The following DNMBP variants were observed in gnomAD, a reference collection of about 807,000 sequenced individuals.
The protein encoded by DNMBP is dynamin-binding protein.
A neutral mutation model predicts 150.0 loss-of-function variants in DNMBP; 87 were observed. That is an observed-to-expected ratio of 0.58 (90% CI 0.49 to 0.69). The LOEUF (loss-of-function observed/expected upper bound fraction) is 0.69, where lower values mean the gene tolerates loss of function less well. Ranked by LOEUF, DNMBP falls within the 30% of genes least tolerant of loss-of-function variation. DNMBP has a pLI of 0.00. For synonymous variants in DNMBP, 711 were observed against 750.4 expected, an observed-to-expected ratio of 0.95 and a Z score of 0.86; for missense variants, 1,774 against 1,949.0, an observed-to-expected ratio of 0.91 and a Z score of 1.69.
chr10:99,979,325 A>G (rs1426659739), intron 1 of DNMBP, among the ~76,000 whole-genome samples: 1 of 152,194 alleles, frequency 6.6e-6, no homozygotes, highest in East Asian at 1.9e-4. Flanking sequence ...CCCGAGCACT[A>G]ATCTCAAAAG....
At chr10:99,892,657 GACCTT>G (rs1564720192) in intron 11 of DNMBP, among the ~76,000 whole-genome samples, 9 of 143,390 alleles carry the variant, frequency 6.3e-5, no homozygotes, top group Non-Finnish European at 1.1e-4. Flanking sequence ...GAAAACCAGA[GACCTT>G]TGTTCACTTG....
At chr10:99,970,271 C>G (rs2040660789) in intron 2 of DNMBP, among the ~76,000 whole-genome samples, 1 of 152,156 alleles carries the variant, frequency 6.6e-6, no homozygotes, top group Non-Finnish European at 1.5e-5. Context: ...GGACTCCAAC[C>G]CAGACTTACA....
chr10:100,009,021 A>G (rs538967705), intron 1 of DNMBP, among the ~76,000 whole-genome samples: 51 of 152,376 alleles, frequency 3.3e-4, no homozygotes, highest in Non-Finnish European at 3.7e-4. Flanking sequence ...ATGTTTGTGT[A>G]AAAGAATTAC....
chr10:99,887,627 TACTTAGTAGC>T (rs1190916689), intron 12 of DNMBP, among the ~76,000 whole-genome samples: 1 of 152,180 alleles, frequency 6.6e-6, no homozygotes, highest in Non-Finnish European at 1.5e-5. Flanking sequence ...TACTTAGTAG[TACTTAGTAGC>T]ATCTTATTAA....
At chr10:99,930,560 G>A in intron 4 of DNMBP, 1 of 702,884 alleles carries the variant, frequency 1.4e-6, no homozygotes, top group Non-Finnish European at 2.6e-6. Context: ...CAAAATCCCA[G>A]TATCCACAAT....
intron 1 of DNMBP, among the ~76,000 whole-genome samples, chr10:99,975,375 T>C (rs2040717639): frequency 6.6e-6 from 1 of 150,996 alleles, no homozygotes; most frequent in African/African-American, 2.4e-5. Context: ...AAAAAAAAAT[T>C]ATATCCAAGA....
chr10:99,925,050 C>T (rs74155735), intron 4 of DNMBP, among the ~76,000 whole-genome samples: 11,500 of 152,236 alleles, frequency 0.076, 728 homozygotes, highest in African/African-American at 0.17. Flanking sequence ...AGTCCATATC[C>T]TCTCTTGCAC....
At chr10:99,886,859 A>G (rs1767676393) in intron 12 of DNMBP, among the ~76,000 whole-genome samples, 1 of 152,158 alleles carries the variant, frequency 6.6e-6, no homozygotes, top group Non-Finnish European at 1.5e-5. Flanking sequence ...TCCCACATCA[A>G]GGAGTATGTA....
chr10:99,988,101 T>C (rs2040847936), intron 1 of DNMBP, among the ~76,000 whole-genome samples: 1 of 152,170 alleles, frequency 6.6e-6, no homozygotes, highest in African/African-American at 2.4e-5. Context: ...CATGAATAGT[T>C]GTTGAATTTT....
Position 99,918,574 on chromosome 10 carries a change from CTTT to C in DNMBP, c.2261-9431_2261-9429del, listed in dbSNP as rs71009786. Among the ~76,000 whole-genome samples the C allele has an allele frequency of 5.1e-5, 7 of 137,916 alleles. 1 individual carries two copies. The East Asian group carries it at 1.2e-3, about 24-fold the overall frequency. The allele number at this position is 137,916 out of a possible 152,430, so 90.5% of individuals were successfully genotyped here. A position where few individuals can be genotyped will look rare whatever the true frequency, so the allele number is the denominator to read the frequency against. ...CCCAAATTACAGGAGTCTGCAACTT[CTTT>C]TTTTTTTTTGAAAAGGAGTCTCACT... On this transcript the variant is annotated intron_variant, in intron 4 of 16. Transcript: ENST00000324109.
intron 1 of DNMBP, among the ~76,000 whole-genome samples, chr10:99,987,791 T>C (rs540151861): frequency 6.6e-6 from 1 of 151,902 alleles, no homozygotes; most frequent in Non-Finnish European, 1.5e-5. Flanking sequence ...TATTACAGAC[T>C]GCTATGAGAG....
intron 9 of DNMBP, among the ~76,000 whole-genome samples, chr10:99,896,894 T>C (rs1357613500): frequency 6.6e-6 from 1 of 152,080 alleles, no homozygotes; most frequent in Admixed American, 6.6e-5. Flanking sequence ...GAGATAAAAG[T>C]AGAAGGGTGG....
chr10:99,877,479 A>G (rs2039294891), intron 16 of DNMBP, 143 bp from the exon 17 acceptor site: 2 of 561,364 alleles, frequency 3.6e-6, no homozygotes, highest in Non-Finnish European at 6.2e-6. Flanking sequence ...AGACAGAGGA[A>G]CTGAATTTTT....
intron 16 of DNMBP, among the ~76,000 whole-genome samples, chr10:99,878,411 C>T (rs974502436): frequency 3.3e-5 from 5 of 152,142 alleles, no homozygotes; most frequent in Non-Finnish European, 7.3e-5. Flanking sequence ...ATTCCCTGCT[C>T]GAACTCAATC....
rs1332319845 is a variant in DNMBP, at chr10:99,956,532, T to C, written c.942A>G (p.Glu314=). 1.2e-6 allele frequency: 2 copies of C among 1,614,048 alleles called. No homozygotes were observed. The highest frequency in any genetic ancestry group is 1.7e-6 in the Non-Finnish European group (2 of 1,180,030). ...TTTCCGGGATCCTGGCAAGGCTGCC[T>C]TCCTGGGGCAGAGCCATGGTTTCCT... ...RVEETMALPQ[E]GSLARIPETS... is the part of the protein sequence containing the mutation. The change falls in exon 4 of 17, where the codon GAA becomes GAG. Residue 314 remains glutamate, a synonymous_variant. Transcript: ENST00000324109.
chr10:99,964,062 T>C (rs1340336624), intron 3 of DNMBP, among the ~76,000 whole-genome samples: 1 of 152,074 alleles, frequency 6.6e-6, no homozygotes, highest in East Asian at 1.9e-4. Flanking sequence ...TTATTAGTGA[T>C]ATTTTATCAC....
At position 99,884,042 on chromosome 10, in the gene DNMBP, G is replaced by C. The variant is rs758075996; in HGVS notation, c.3966C>G (p.Gly1322=). The C allele has an allele frequency of 6.2e-7, 1 of 1,613,944 alleles. No homozygotes were observed. ...VGVIKKKDPM[G]SQNRWLIDNG... ...TGTCAATCAGCCAGCGGTTCTGGCTGCCCATGGGGTCTTTTTTCTTAATCA... is the reference window on the plus strand; with the variant it reads ...TGTCAATCAGCCAGCGGTTCTGGCTCCCCATGGGGTCTTTTTTCTTAATCA... Residue 1322 remains glycine, a synonymous_variant, in exon 15 of 17, where the codon GGC becomes GGG. Transcript: ENST00000324109.
At position 100,000,222 on chromosome 10, in the gene DNMBP, G is replaced by A. The variant is rs138880521; in HGVS notation, c.-11+9616C>T. On this transcript the variant is annotated intron_variant, in intron 1 of 16. Coordinates refer to ENST00000324109, the MANE Select transcript of DNMBP (RefSeq NM_015221.4). ...AAAAAGTTTCCACATTGCAGGGGAG[G>A]GGAGGAAAGAACCAACTAGAAAGCA... 8.8e-3 allele frequency among the ~76,000 whole-genome samples: 1,333 copies of A among 152,278 alleles called. 22 individuals carry two copies. The highest frequency in any genetic ancestry group is 0.041 in the Middle Eastern group (12 of 294).
In DNMBP at chr10:99,956,708, C is replaced by T. The variant is rs539098662; in HGVS notation, c.766G>A (p.Ala256Thr). Residue 256 changes from alanine to threonine, a missense_variant, in exon 4 of 17, where the codon GCC (alanine) becomes ACC (threonine). Physicochemically the swap from Ala to Thr is moderately conservative, Grantham distance 58 (BLOSUM62 0). This residue lies in a region of DNMBP where 344 missense variants were observed against 456.6 expected (regional missense o/e 0.75). Coordinates refer to ENST00000324109, the MANE Select transcript of DNMBP (RefSeq NM_015221.4). ...TYGVALYRFQ[A>T]LEPNELDFEV... Reference sequence around the variant, plus strand: ...AAATCCAGCTCATTTGGCTCCAGGGCTTGGAATCTGTACAGGGCGACCCCA... The same window carrying T: ...AAATCCAGCTCATTTGGCTCCAGGGTTTGGAATCTGTACAGGGCGACCCCA... 1.2e-6 allele frequency: 2 copies of T among 1,613,850 alleles called. No individual in the cohort carries two copies. The highest frequency in any genetic ancestry group is 2.7e-5 in the African/African-American group (2 of 75,016).
Sources: gnomAD v4.1 joint callset for allele counts (sites outside exome capture counted in the v4.1 genomes callset) on GRCh38, gnomAD v4.1.1 for gene constraint, gnomAD v4.1.1 regional missense constraint, MANE v1.5 for transcripts, NCBI Gene and HGNC (gene_info 2026-07-23, HGNC 2026-07-21) for gene names.